MSH4: variants seen among roughly 807,000 people sequenced by gnomAD.
MSH4 encodes mutS protein homolog 4.
In MSH4, 106 loss-of-function variants were observed where a neutral mutation model predicts 113.7. The ratio of observed to expected loss-of-function variants is 0.93; its 90% CI spans 0.80 to 1.10. The LOEUF (loss-of-function observed/expected upper bound fraction) is 1.10. Ranked by LOEUF, MSH4 falls within the 50% of genes least tolerant of loss-of-function variation. The pLI is 0.00. For synonymous variants in MSH4, 368 were observed against 380.2 expected, an observed-to-expected ratio of 0.97 and a Z score of 0.37; for missense variants, 1,061 against 1,093.7, an observed-to-expected ratio of 0.97 and a Z score of 0.42.
intron 15 of MSH4, among the ~76,000 whole-genome samples, chr1:75,885,059 G>GTGTGTGTATATATATATATATA (rs1300289205): frequency 5.3e-5 from 6 of 112,556 alleles, no homozygotes; most frequent in Admixed American, 2.0e-4. Flanking sequence ...GTGTGTGTGT[G>GTGTGTGTATATATATATATATA]TATATATATA....
intron 8 of MSH4, among the ~76,000 whole-genome samples, chr1:75,860,403 G>A (rs1651429206): frequency 6.6e-6 from 1 of 152,124 alleles, no homozygotes; most frequent in African/African-American, 2.4e-5. Context: ...GTTGGTACTG[G>A]TTATTCCTAT....
At chr1:75,912,618 A>G in intron 19 of MSH4, 78 bp from the exon 20 acceptor site, 1 of 934,222 alleles carries the variant, frequency 1.1e-6, no homozygotes, top group African/African-American at 1.7e-5. Context: ...AGGAGATAGA[A>G]TATTGCCAAC....
chr1:75,803,887 G>A lies in MSH4; in HGVS notation c.401G>A (p.Ser134Asn). The A allele has an allele frequency of 6.4e-7, 1 of 1,561,160 alleles. No individual in the cohort carries two copies. The highest frequency in any genetic ancestry group is 2.0e-5 in the Admixed American group (1 of 50,844). Reference protein sequence around the residue: ...TGNPQRSGYKSWTPQVGYSAS... With the variant: ...TGNPQRSGYKNWTPQVGYSAS... ...AATCCTCAGAGATCAGGTTATAAGA[G>A]CTGGACACCACAAGTGGGATATTCA... is the stretch of plus-strand genomic sequence containing the variant. The change falls in exon 2 of 20, where the codon AGC becomes AAC. Residue 134 changes from serine to asparagine, a missense_variant. Ser to Asn is a conservative substitution (Grantham distance 46). Transcript: ENST00000263187.
intron 19 of MSH4, among the ~76,000 whole-genome samples, chr1:75,907,661 T>TCTCC (rs1491165925): frequency 6.9e-4 from 1 of 1,458 alleles, no homozygotes; most frequent in Non-Finnish European, 0.011. Context: ...CCACGGTGTA[T>TCTCC]CTCTCTCTCT....
chr1:75,803,688 A>G (rs1207135626), intron 1 of MSH4, 43 bp from the exon 2 acceptor site: 1 of 1,386,178 alleles, frequency 7.2e-7, no homozygotes, highest in Non-Finnish European at 9.8e-7. Flanking sequence ...ATCATTGCAT[A>G]ATTCAAATCT....
chr1:75,839,028 G>C (rs1650893521), intron 7 of MSH4, among the ~76,000 whole-genome samples: 1 of 152,024 alleles, frequency 6.6e-6, no homozygotes, highest in Non-Finnish European at 1.5e-5. Context: ...CTATTGATTT[G>C]TTGTTGAATC....
intron 6 of MSH4, among the ~76,000 whole-genome samples, 161 bp downstream of exon 6, chr1:75,816,707 A>C (rs1650302122): frequency 6.6e-6 from 1 of 152,002 alleles, no homozygotes; most frequent in African/African-American, 2.4e-5. Context: ...GCTCACTGCA[A>C]CCTCTGCCTT....
chr1:75,813,188 T>C (rs1272395576), intron 4 of MSH4, among the ~76,000 whole-genome samples: 1 of 152,188 alleles, frequency 6.6e-6, no homozygotes, highest in Non-Finnish European at 1.5e-5. Context: ...GGATGCTGAC[T>C]GATTCCGCTT....
chr1:75,908,148 G>GTT (rs774325755), intron 19 of MSH4, among the ~76,000 whole-genome samples: 34,536 of 129,162 alleles, frequency 0.27, 5,188 homozygotes, highest in Middle Eastern at 0.33. Context: ...ACTTTCATCT[G>GTT]TTTTTTTTTT....
chr1:75,832,016 C>A lies in MSH4; in HGVS notation c.1162+9435C>A, dbSNP rs570412728. Among the ~76,000 whole-genome samples, 5 of 151,390 alleles carry A rather than the reference C, an allele frequency of 3.3e-5. No individual in the cohort carries two copies. In the East Asian group the frequency reaches 9.8e-4, roughly 30 times the overall value. On this transcript the variant is annotated intron_variant, in intron 7 of 19. Coordinates refer to ENST00000263187, the MANE Select transcript of MSH4 (RefSeq NM_002440.4). ...CAAGGAGCTGGTTTTTTGAAAAGAT[C>A]AACAAAATTGATAGACCACTAGCAA...
intron 7 of MSH4, among the ~76,000 whole-genome samples, chr1:75,835,815 A>G (rs796253782): frequency 3.3e-5 from 5 of 152,108 alleles, no homozygotes; most frequent in East Asian, 1.9e-4. Context: ...CTTCATCACT[A>G]TGTCTCAATG....
chr1:75,890,836 T>A lies in MSH4; in HGVS notation c.2355+12T>A, dbSNP rs750046494. 18 of 1,521,246 alleles carry A rather than the reference T, an allele frequency of 1.2e-5. No homozygotes were observed. The highest frequency in any genetic ancestry group is 1.1e-5 in the Non-Finnish European group (12 of 1,107,454). The allele number at this position is 1,521,246 out of a possible 1,614,324, so 94.2% of individuals were successfully genotyped here. ...TACTGAGCTTAAAGGTATTCTTTTA[T>A]TTTAAGTATATTGATTTTGAGTCCT... On this transcript the variant is annotated intron_variant, in intron 17 of 19. Transcript: ENST00000263187.
intron 8 of MSH4, among the ~76,000 whole-genome samples, chr1:75,858,652 G>A (rs2100554134): frequency 6.6e-6 from 1 of 152,298 alleles, no homozygotes; most frequent in East Asian, 1.9e-4. Context: ...TTGATGTGCT[G>A]CTGGATTCGG....
intron 12 of MSH4, among the ~76,000 whole-genome samples, chr1:75,879,705 G>A (rs929409834): frequency 1.3e-5 from 2 of 152,058 alleles, no homozygotes; most frequent in Non-Finnish European, 1.5e-5. Context: ...CTGCGACAGG[G>A]GTCAGAGATG....
At chr1:75,801,848 C>T (rs571643830) in intron 1 of MSH4, among the ~76,000 whole-genome samples, 5 of 151,808 alleles carry the variant, frequency 3.3e-5, no homozygotes, top group Non-Finnish European at 1.5e-5. Context: ...CCAGTCTGGG[C>T]GACAAAGAGA....
At chr1:75,885,420 G>C (rs1652053570) in intron 15 of MSH4, among the ~76,000 whole-genome samples, 2 of 110,926 alleles carry the variant, frequency 1.8e-5, no homozygotes. Context: ...TCCCACCTCA[G>C]TTGGTATCCT....
chr1:75,870,847 T>G (rs992270886), intron 9 of MSH4, among the ~76,000 whole-genome samples: 8 of 152,230 alleles, frequency 5.3e-5, no homozygotes, highest in Admixed American at 2.6e-4. Context: ...GTTTTCACCT[T>G]TCTTGTAATG....
intron 19 of MSH4, 28 bp from the exon 20 acceptor site, chr1:75,912,668 A>C: frequency 1.6e-6 from 2 of 1,237,368 alleles, no homozygotes; most frequent in Non-Finnish European, 2.1e-6. Flanking sequence ...GTGTATATAT[A>C]TATATATTTT....
intron 1 of MSH4, among the ~76,000 whole-genome samples, chr1:75,801,420 A>G (rs1649931822): frequency 6.6e-6 from 1 of 151,758 alleles, no homozygotes; most frequent in Admixed American, 6.6e-5. Context: ...CAAAAAAAAA[A>G]TAGCCAGGTG....
Sources: allele counts gnomAD v4.1 joint callset (sites outside exome capture counted in the v4.1 genomes callset), GRCh38; gene constraint gnomAD v4.1.1; transcripts MANE v1.5; gene names NCBI Gene and HGNC (gene_info 2026-07-23, HGNC 2026-07-21).